Variants in RARB observed in about 807,000 individuals in gnomAD.
RARB encodes the protein HBV-activated protein.
A neutral mutation model predicts 51.9 loss-of-function variants in RARB; 17 were observed. The ratio of observed to expected loss-of-function variants is 0.33; its 90% CI spans 0.22 to 0.49. The LOEUF is 0.49. RARB is among the 20% of genes least tolerant of loss of function. RARB has a pLI of 0.99. For synonymous variants in RARB, 215 were observed against 195.4 expected (o/e 1.10, Z -0.84); for missense variants, 369 against 550.8 (o/e 0.67, Z 3.30).
At chr3:24,908,669 T>TTTTTTTG in intron 2 of RARB, among the ~76,000 whole-genome samples, 1 of 144,994 alleles carries the variant, frequency 6.9e-6, no homozygotes, top group African/African-American at 2.5e-5. Flanking sequence ...AACTGTTTTT[T>TTTTTTTG]TTTTTTTTTT....
chr3:25,236,223 A>G (rs554426684), intron 5 of RARB, among the ~76,000 whole-genome samples: 1 of 152,310 alleles, frequency 6.6e-6, no homozygotes, highest in Non-Finnish European at 1.5e-5. Flanking sequence ...GCCAAGAACA[A>G]TGCTAATTGC....
chr3:24,896,736 C>T (rs1488285222), intron 2 of RARB, among the ~76,000 whole-genome samples: 3 of 152,156 alleles, frequency 2.0e-5, no homozygotes, highest in African/African-American at 7.2e-5. Flanking sequence ...CTTCCTCTTC[C>T]TATTTCTCCC....
intron 1 of RARB, among the ~76,000 whole-genome samples, chr3:25,432,204 G>A (rs1708238182): frequency 6.6e-6 from 1 of 151,998 alleles, no homozygotes; most frequent in Non-Finnish European, 1.5e-5. Context: ...TTCCTTCCTT[G>A]TAGAAAAAAA....
intron 4 of RARB, among the ~76,000 whole-genome samples, chr3:25,161,062 G>C (rs1464885120): frequency 6.6e-6 from 1 of 152,046 alleles, no homozygotes; most frequent in South Asian, 2.1e-4. Context: ...GCCCAGGCTA[G>C]AGTGCAGTGG....
intron 2 of RARB, among the ~76,000 whole-genome samples, chr3:24,992,818 C>T (rs1329549147): frequency 6.6e-6 from 1 of 152,156 alleles, no homozygotes; most frequent in Non-Finnish European, 1.5e-5. Flanking sequence ...AAGGCCCTGT[C>T]TCCAAATATA....
chr3:25,545,167 A>G (rs1178824144), intron 3 of RARB, among the ~76,000 whole-genome samples: 1 of 151,846 alleles, frequency 6.6e-6, no homozygotes, highest in Non-Finnish European at 1.5e-5. Context: ...CTGGTCTCGA[A>G]CTTCTGACCT....
intron 2 of RARB, among the ~76,000 whole-genome samples, chr3:24,986,611 T>G (rs903857827): frequency 1.1e-4 from 16 of 152,226 alleles, no homozygotes; most frequent in Admixed American, 1.0e-3. Context: ...GCTTCCATAA[T>G]GCTATTTTTT....
chr3:24,854,842 A>G (rs1047151214), intron 1 of RARB, among the ~76,000 whole-genome samples: 1 of 152,236 alleles, frequency 6.6e-6, no homozygotes, highest in Non-Finnish European at 1.5e-5. Flanking sequence ...CTAGATGAGA[A>G]CTAGTGCCTT....
At chr3:25,156,372 C>A (rs1458768847) in intron 4 of RARB, among the ~76,000 whole-genome samples, 1 of 151,920 alleles carries the variant, frequency 6.6e-6, no homozygotes, top group Non-Finnish European at 1.5e-5. Context: ...GGCCAGTTAG[C>A]CCTGGAATCC....
chr3:25,202,374 T>C (rs753957781), intron 5 of RARB, among the ~76,000 whole-genome samples: 4 of 151,994 alleles, frequency 2.6e-5, no homozygotes, highest in Non-Finnish European at 4.4e-5. Context: ...GTTGATCTTT[T>C]CAAAAAAAAC....
At chr3:25,209,310 C>T (rs529610079) in intron 5 of RARB, among the ~76,000 whole-genome samples, 1 of 152,300 alleles carries the variant, frequency 6.6e-6, no homozygotes, top group South Asian at 2.1e-4. Flanking sequence ...TTTTATTCAA[C>T]TTTGGAAGCA....
upstream of RARB, among the ~76,000 whole-genome samples, chr3:25,424,584 A>T (rs1043393818): frequency 6.6e-6 from 1 of 152,132 alleles, no homozygotes; most frequent in African/African-American, 2.4e-5. Context: ...CCAAAACAAC[A>T]TGAAAGAGCT....
chr3:24,952,696 C>A (rs1695922958), intron 2 of RARB, among the ~76,000 whole-genome samples: 1 of 152,114 alleles, frequency 6.6e-6, no homozygotes, highest in Non-Finnish European at 1.5e-5. Context: ...TGTGTACCTG[C>A]TTTTCAAAGC....
At chr3:24,973,540 G>A (rs1696447014) in intron 2 of RARB, among the ~76,000 whole-genome samples, 1 of 151,942 alleles carries the variant, frequency 6.6e-6, no homozygotes, top group Non-Finnish European at 1.5e-5. Flanking sequence ...TTGAATTGTA[G>A]ACTGCTTTGT....
At chr3:25,300,593 A>T (rs1704016976) in intron 5 of RARB, among the ~76,000 whole-genome samples, 2 of 152,146 alleles carry the variant, frequency 1.3e-5, no homozygotes, top group Non-Finnish European at 1.5e-5. Context: ...CTGTAACAGG[A>T]TCATAAAGCC....
chr3:25,272,964 AAC>A (rs1378294035), intron 5 of RARB, among the ~76,000 whole-genome samples: 4 of 152,206 alleles, frequency 2.6e-5, no homozygotes, highest in Non-Finnish European at 4.4e-5. Flanking sequence ...AAGCCAGTAC[AAC>A]TGTTCATGTC....
intron 2 of RARB, among the ~76,000 whole-genome samples, chr3:25,051,758 G>T (rs915784774): frequency 2.0e-5 from 3 of 152,030 alleles, no homozygotes; most frequent in Non-Finnish European, 2.9e-5. Flanking sequence ...GAGAGAAAGG[G>T]GTATGATAGA....
chr3:25,144,637 A>C (rs1313198686), intron 4 of RARB, among the ~76,000 whole-genome samples: 1 of 152,192 alleles, frequency 6.6e-6, no homozygotes, highest in Non-Finnish European at 1.5e-5. Flanking sequence ...TAACAAGCTT[A>C]TTTGGATTGA....
intron 5 of RARB, among the ~76,000 whole-genome samples, chr3:25,282,766 T>G (rs1009147588): frequency 1.3e-5 from 2 of 152,180 alleles, no homozygotes; most frequent in African/African-American, 4.8e-5. Context: ...CTGATGTGTT[T>G]GTCAGTGCAC....
Sources: gnomAD v4.1 joint callset for allele counts (sites outside exome capture counted in the v4.1 genomes callset) on GRCh38, gnomAD v4.1.1 for gene constraint, MANE v1.5 for transcripts, NCBI Gene and HGNC (gene_info 2026-07-23, HGNC 2026-07-21) for gene names.